PDCD1LG2: variants seen among roughly 807,000 people sequenced by gnomAD.
PDCD1LG2 encodes the protein B7 dendritic cell molecule.
In PDCD1LG2, 32 loss-of-function variants were observed where a neutral mutation model predicts 28.2. That is an observed-to-expected ratio of 1.13 (90% confidence interval 0.86 to 1.52). The LOEUF (loss-of-function observed/expected upper bound fraction) is 1.52. Among genes scored for constraint, PDCD1LG2 ranks in the 40% most tolerant of loss-of-function variants. The pLI is 0.00. For missense variants in PDCD1LG2, 385 were observed against 323.8 expected (o/e 1.19, Z -1.45); for synonymous variants, 116 against 120.2 (o/e 0.97, Z 0.23).
At chr9:5,566,136 C>T (rs1816661631) in intron 6 of PDCD1LG2, among the ~76,000 whole-genome samples, 1 of 152,160 alleles carries the variant, frequency 6.6e-6, no homozygotes, top group Non-Finnish European at 1.5e-5. Context: ...CCCGCACTCT[C>T]ATTTTGTGAC....
intron 1 of PDCD1LG2, 83 bp downstream of exon 1, chr9:5,510,886 C>T (rs1820044421): frequency 6.6e-6 from 1 of 152,560 alleles, no homozygotes; most frequent in South Asian, 2.1e-4. Context: ...GAAGGGTGGC[C>T]TACCTTCTCT....
intron 1 of PDCD1LG2, among the ~76,000 whole-genome samples, chr9:5,518,177 C>A (rs1395753904): frequency 1.3e-5 from 2 of 152,212 alleles, no homozygotes; most frequent in East Asian, 3.8e-4. Flanking sequence ...TAGAGGCTTA[C>A]AATTTGTAAA....
At position 5,528,908 on chromosome 9, in the gene PDCD1LG2, T is replaced by G. The variant is rs148006718; in HGVS notation, c.56-5837T>G. 3.5e-3 allele frequency among the ~76,000 whole-genome samples: 531 copies of G among 152,268 alleles called. 3 individuals are homozygous for G. The highest frequency in any genetic ancestry group is 0.012 in the African/African-American group (498 of 41,538). ...CCATGCTTGGCTTATGTTTGTATTTTCAGTAGAGTCGGGGTTTCACTATGT... is the reference window on the plus strand; with the variant it reads ...CCATGCTTGGCTTATGTTTGTATTTGCAGTAGAGTCGGGGTTTCACTATGT... On this transcript the variant is annotated intron_variant, in intron 2 of 6. Transcript: ENST00000397747.
rs201944628 is a variant in PDCD1LG2 at position 5,549,641 on chromosome 9, G to A, written c.631+37G>A. The A allele has an allele frequency of 5.6e-6, 9 of 1,609,406 alleles. No homozygotes were observed. The Admixed American group carries it at 1.2e-4, about 21-fold the overall frequency. On this transcript the variant is annotated intron_variant, in intron 4 of 6. Coordinates refer to ENST00000397747, the MANE Select transcript of PDCD1LG2 (RefSeq NM_025239.4). ...CCCCACTTCCTAGGTCTATCAGTTA[G>A]GGTTCAGACAAGAAACAGATGGCAT... is the stretch of plus-strand genomic sequence containing the variant.
In PDCD1LG2 at chr9:5,534,982, G is replaced by C. The variant is rs2129795511; in HGVS notation, c.293G>C (p.Gly98Ala). ...CCTCAAGTCCAAGTGAGGGACGAAG[G>C]ACAGTACCAATGCATAATCATCTAT... ...HIPQVQVRDE[G>A]QYQCIIIYGV... is the part of the protein sequence containing the mutation. Residue 98 changes from glycine (G) to alanine (A), a missense_variant, in exon 3 of 7, where the codon GGA becomes GCA. Physicochemically the swap from Gly to Ala is moderately conservative, Grantham distance 60. Coordinates refer to ENST00000397747, the MANE Select transcript of PDCD1LG2 (RefSeq NM_025239.4). The C allele has an allele frequency of 1.2e-6, 2 of 1,614,102 alleles. No individual in the cohort carries two copies. The highest frequency in any genetic ancestry group is 8.5e-7 in the Non-Finnish European group (1 of 1,180,014).
chr9:5,561,180 T>C (rs566896153), intron 5 of PDCD1LG2, among the ~76,000 whole-genome samples: 1 of 152,164 alleles, frequency 6.6e-6, no homozygotes, highest in African/African-American at 2.4e-5. Flanking sequence ...TTAAGTTAAA[T>C]AAAAATTCAT....
chr9:5,535,958 C>T (rs530286653), intron 3 of PDCD1LG2, among the ~76,000 whole-genome samples: 59 of 152,330 alleles, frequency 3.9e-4, no homozygotes, highest in Admixed American at 1.6e-3. Context: ...GGCTTGAATG[C>T]TCTGAGATAA....
chr9:5,570,373 A>AT lies in PDCD1LG2; in HGVS notation c.*420dup, dbSNP rs1816747112. The AT allele has an allele frequency of 4.1e-6, 1 of 245,864 alleles. No individual in the cohort carries two copies. Among genetic ancestry groups the AT allele is most frequent in the South Asian group, 1.5e-4 (1 of 6,476 alleles). 15.2% of individuals were successfully genotyped at this position (245,864 alleles called of 1,614,324 possible). A position where few individuals can be genotyped will look rare whatever the true frequency, so the allele number is the denominator to read the frequency against. On this transcript the variant is annotated 3_prime_UTR_variant, in exon 7 of 7. Coordinates refer to ENST00000397747, the MANE Select transcript of PDCD1LG2 (RefSeq NM_025239.4). ...AAACAGATGGGTTGCCAATAGAGTT[A>AT]TTTTTTATCTATAGCTTCCTCTGGG...
chr9:5,551,982 T>A (rs149246029), intron 4 of PDCD1LG2, among the ~76,000 whole-genome samples: 22 of 152,202 alleles, frequency 1.4e-4, no homozygotes, highest in African/African-American at 5.3e-4. Context: ...GTCTCACTCA[T>A]CCACCATACA....
Position 5,569,359 on chromosome 9 carries a change from C to T in PDCD1LG2, c.817-595C>T, listed in dbSNP as rs1816726977. 6.6e-6 allele frequency among the ~76,000 whole-genome samples: 1 copy of T among 152,136 alleles called. No individual in the cohort carries two copies. The highest frequency in any genetic ancestry group is 1.5e-5 in the Non-Finnish European group (1 of 68,014). On this transcript the variant is annotated intron_variant, in intron 6 of 6. Coordinates refer to ENST00000397747, the MANE Select transcript of PDCD1LG2 (RefSeq NM_025239.4). The surrounding 1 kb of genome is among the most constrained non-coding windows in gnomAD (Gnocchi z 4.1). ...AAAGGGGAGGGAGCAGTTCCCAGAA[C>T]CCTAGTAAAAATGGCAATGAGAAAG... is the stretch of plus-strand genomic sequence containing the variant.
At chr9:5,560,721 G>T (rs1816541840) in intron 5 of PDCD1LG2, among the ~76,000 whole-genome samples, 1 of 149,680 alleles carries the variant, frequency 6.7e-6, no homozygotes, top group East Asian at 1.9e-4. Context: ...GCAAAGTTAA[G>T]TAAAGAAGCA....
chr9:5,559,476 G>T (rs1026505433), intron 5 of PDCD1LG2, among the ~76,000 whole-genome samples: 5 of 152,178 alleles, frequency 3.3e-5, no homozygotes, highest in Non-Finnish European at 7.4e-5. Context: ...ACCAGGGTCA[G>T]AGGGCTAGGC....
chr9:5,516,870 A>G (rs1298491363), intron 1 of PDCD1LG2, among the ~76,000 whole-genome samples: 2 of 152,186 alleles, frequency 1.3e-5, no homozygotes, highest in Admixed American at 1.3e-4. Flanking sequence ...TTGTGGGAGC[A>G]GGGGACTTCC....
chr9:5,553,165 A>G (rs2129898792), intron 4 of PDCD1LG2, among the ~76,000 whole-genome samples: 1 of 152,294 alleles, frequency 6.6e-6, no homozygotes, highest in Middle Eastern at 3.4e-3. Context: ...GAGGGGAAAG[A>G]AAGAAACTAG....
intron 6 of PDCD1LG2, among the ~76,000 whole-genome samples, chr9:5,567,078 C>A (rs1816680915): frequency 6.6e-6 from 1 of 152,134 alleles, no homozygotes; most frequent in Non-Finnish European, 1.5e-5. Flanking sequence ...AAGAAGAATA[C>A]TTTCTGAAGC....
Position 5,517,589 on chromosome 9 carries a change from G to A in PDCD1LG2, c.-14-4944G>A, listed in dbSNP as rs76596349. On this transcript the variant is annotated intron_variant, in intron 1 of 6. Transcript: ENST00000397747. ...CCATCGGAAGGTTTTAAGAAAATATGGTTTGACTTTTATTTTTTAAAAACC... is the reference window on the plus strand; with the variant it reads ...CCATCGGAAGGTTTTAAGAAAATATAGTTTGACTTTTATTTTTTAAAAACC... 4.5e-3 allele frequency among the ~76,000 whole-genome samples: 692 copies of A among 152,248 alleles called. 5 individuals are homozygous for A. Among genetic ancestry groups the A allele is most frequent in the African/African-American group, 0.016 (666 of 41,524 alleles).
At chr9:5,547,746 G>A (rs1051477462) in intron 3 of PDCD1LG2, among the ~76,000 whole-genome samples, 23 of 152,148 alleles carry the variant, frequency 1.5e-4, no homozygotes, top group African/African-American at 4.3e-4. Context: ...AAACCAGGCT[G>A]ACCAACATGG....
intron 4 of PDCD1LG2, among the ~76,000 whole-genome samples, chr9:5,556,105 C>A (rs1816435579): frequency 6.6e-6 from 1 of 152,172 alleles, no homozygotes; most frequent in Non-Finnish European, 1.5e-5. Flanking sequence ...CCTCCAAATA[C>A]AGTCTAAGCA....
At chr9:5,517,161 A>G (rs894006716) in intron 1 of PDCD1LG2, among the ~76,000 whole-genome samples, 1 of 152,228 alleles carries the variant, frequency 6.6e-6, no homozygotes, top group Non-Finnish European at 1.5e-5. Flanking sequence ...GGGAGAAAAG[A>G]TGACTAAGGA....
Sources: allele counts gnomAD v4.1 joint callset (sites outside exome capture counted in the v4.1 genomes callset), GRCh38; gene constraint gnomAD v4.1.1; non-coding constraint Gnocchi (gnomAD v3.1); transcripts MANE v1.5; gene names NCBI Gene and HGNC (gene_info 2026-07-23, HGNC 2026-07-21).